The following PRXL2A variants were observed in gnomAD, a reference collection of about 807,000 sequenced individuals.
The protein encoded by PRXL2A is peroxiredoxin-like 2A.
A neutral mutation model predicts 25.6 loss-of-function variants in PRXL2A; 26 were observed. The observed-to-expected ratio is 1.02, with a 90% CI of 0.74 to 1.41. The LOEUF is 1.41. Ranked by LOEUF, PRXL2A falls within the 40% of genes most tolerant of loss-of-function variation. The pLI, the probability that PRXL2A is intolerant of heterozygous loss-of-function variation, is 0.00. For synonymous variants in PRXL2A, 98 were observed against 102.9 expected (o/e 0.95, Z 0.29); for missense variants, 246 against 273.9 (o/e 0.90, Z 0.72).
Position 80,408,606 on chromosome 10 carries a change from C to A in PRXL2A, c.-40C>A, listed in dbSNP as rs904512166. 6.6e-6 allele frequency: 1 copy of A among 152,470 alleles called. No individual in the cohort carries two copies. The highest frequency in any genetic ancestry group is 6.5e-5 in the Admixed American group (1 of 15,308). The allele number at this position is 152,470 out of a possible 1,614,324, so 9.4% of individuals were successfully genotyped here. A position where few individuals can be genotyped will look rare whatever the true frequency, so the allele number is the denominator to read the frequency against. On this transcript the variant is annotated 5_prime_UTR_variant, in exon 1 of 6. Coordinates refer to ENST00000606162, the MANE Select transcript of PRXL2A (RefSeq NM_032333.5). ...GTTTGGCCCCTTAGCGCCCGGGCGT[C>A]GGGGCGGTAAAAGGCCGGCAGAAGG...
intron 5 of PRXL2A, among the ~76,000 whole-genome samples, chr10:80,429,306 A>G (rs1488173787): frequency 2.0e-5 from 3 of 152,198 alleles, no homozygotes; most frequent in South Asian, 2.1e-4. Context: ...CTTAGTAATA[A>G]TGGTTTCCAA....
intron 1 of PRXL2A, among the ~76,000 whole-genome samples, chr10:80,413,180 G>A (rs1300173799): frequency 7.1e-6 from 1 of 141,054 alleles, no homozygotes; most frequent in African/African-American, 2.6e-5. Context: ...AACTCCAGCA[G>A]AGAAATCGAC....
chr10:80,419,410 C>T (rs779056360), intron 1 of PRXL2A, among the ~76,000 whole-genome samples: 34 of 150,726 alleles, frequency 2.3e-4, no homozygotes, highest in Non-Finnish European at 5.0e-4. Flanking sequence ...CAGGTTCAAG[C>T]GATTCTCCTG....
intron 2 of PRXL2A, among the ~76,000 whole-genome samples, chr10:80,421,516 T>C (rs1475668729): frequency 1.3e-5 from 2 of 152,138 alleles, no homozygotes; most frequent in Non-Finnish European, 2.9e-5. Context: ...GGCAGGAGAT[T>C]GTGCAGGTTT....
intron 1 of PRXL2A, chr10:80,413,919 G>A (rs1008530890): frequency 1.7e-5 from 20 of 1,171,846 alleles, no homozygotes; most frequent in Admixed American, 9.0e-5. Flanking sequence ...GAGGTTGGGG[G>A]TAAGAGACCG....
At chr10:80,426,055 C>G (rs1433883581) in intron 4 of PRXL2A, 49 bp downstream of exon 4, 11 of 1,609,852 alleles carry the variant, frequency 6.8e-6, no homozygotes, top group Admixed American at 5.0e-5. Flanking sequence ...GGATTGTGCT[C>G]AGCTGTGTGA....
At chr10:80,430,923 T>C (rs1237803788) in intron 5 of PRXL2A, among the ~76,000 whole-genome samples, 1 of 152,162 alleles carries the variant, frequency 6.6e-6, no homozygotes, top group Non-Finnish European at 1.5e-5. Flanking sequence ...GGAGTCTTGC[T>C]CTGTCGCCCA....
intron 2 of PRXL2A, 69 bp from the exon 3 acceptor site, chr10:80,422,348 T>C (rs1844895359): frequency 3.1e-6 from 4 of 1,297,440 alleles, no homozygotes; most frequent in Admixed American, 1.7e-5. Context: ...CTTAGTGTGG[T>C]TCATGAGCTG....
chr10:80,409,810 C>A (rs1397472700), intron 1 of PRXL2A, among the ~76,000 whole-genome samples: 2 of 152,198 alleles, frequency 1.3e-5, no homozygotes, highest in Non-Finnish European at 2.9e-5. Flanking sequence ...CAAGGCACCT[C>A]CTATACATTT....
At chr10:80,413,443 G>A (rs1053206169) in intron 1 of PRXL2A, among the ~76,000 whole-genome samples, 1 of 152,214 alleles carries the variant, frequency 6.6e-6, no homozygotes, top group African/African-American at 2.4e-5. Context: ...GGCCTGGGGT[G>A]AGGAATGGGG....
At chr10:80,422,338 C>A in intron 2 of PRXL2A, 79 bp from the exon 3 acceptor site, 2 of 1,173,460 alleles carry the variant, frequency 1.7e-6, no homozygotes, top group Admixed American at 1.8e-5. Flanking sequence ...CTTGGCTGGA[C>A]TTAGTGTGGT....
chr10:80,425,388 T>C (rs1845007642), intron 3 of PRXL2A, among the ~76,000 whole-genome samples: 2 of 152,200 alleles, frequency 1.3e-5, no homozygotes, highest in South Asian at 4.1e-4. Context: ...TTAGAAACAT[T>C]TGGGAATGTA....
chr10:80,420,633 A>G lies in PRXL2A; in HGVS notation c.166A>G (p.Thr56Ala), dbSNP rs764400897. Residue 56 changes from threonine to alanine, a missense_variant, in exon 2 of 6, where the codon ACA (threonine) becomes GCA (alanine). Thr to Ala is a moderately conservative substitution (Grantham distance 58, BLOSUM62 0). Coordinates refer to ENST00000606162, the MANE Select transcript of PRXL2A (RefSeq NM_032333.5). ...GTACCTGGAGGATATAGACCTGAAAACACTGGAGAAGGGTAAGTGGTGACC... is the reference window on the plus strand; with the variant it reads ...GTACCTGGAGGATATAGACCTGAAAGCACTGGAGAAGGGTAAGTGGTGACC... The part of the protein sequence containing the change: ...LEYLEDIDLK[T>A]LEKEPRTFKA... 2 of 1,606,956 alleles carry G rather than the reference A, an allele frequency of 1.2e-6. No homozygotes were observed. Among genetic ancestry groups the G allele is most frequent in the African/African-American group, 2.7e-5 (2 of 74,810 alleles).
intron 3 of PRXL2A, 128 bp from the exon 4 acceptor site, chr10:80,425,738 C>T (rs1221444918): frequency 2.0e-5 from 23 of 1,171,982 alleles, no homozygotes; most frequent in Non-Finnish European, 2.7e-5. Context: ...ACAGCCATAA[C>T]AGGAGCCTTG....
intron 5 of PRXL2A, among the ~76,000 whole-genome samples, chr10:80,430,863 A>G (rs1366360855): frequency 6.6e-6 from 1 of 151,924 alleles, no homozygotes; most frequent in Non-Finnish European, 1.5e-5. Flanking sequence ...CTATGTCACT[A>G]TATATTGTTA....
intron 2 of PRXL2A, 50 bp from the exon 3 acceptor site, chr10:80,422,367 T>G: frequency 6.9e-7 from 1 of 1,459,704 alleles, no homozygotes; most frequent in Non-Finnish European, 9.6e-7. Flanking sequence ...TGCTTAGTGA[T>G]TGGGGCTGGG....
upstream of PRXL2A, chr10:80,408,353 G>A (rs946963230): frequency 1.3e-5 from 2 of 152,134 alleles, no homozygotes; most frequent in East Asian, 3.9e-4. Context: ...GACTTGAGGA[G>A]TGGACCGACC....
At chr10:80,417,070 T>C (rs1385976728) in intron 1 of PRXL2A, among the ~76,000 whole-genome samples, 2 of 152,236 alleles carry the variant, frequency 1.3e-5, no homozygotes, top group Non-Finnish European at 1.5e-5. Context: ...GATTAACTTT[T>C]ATACCTGGTT....
At chr10:80,430,364 A>G (rs1284538789) in intron 5 of PRXL2A, among the ~76,000 whole-genome samples, 3 of 152,132 alleles carry the variant, frequency 2.0e-5, no homozygotes, top group African/African-American at 7.2e-5. Context: ...GGTCTCCCAA[A>G]GTGCTGGGAT....
Sources: gnomAD v4.1 joint callset for allele counts (sites outside exome capture counted in the v4.1 genomes callset) on GRCh38, gnomAD v4.1.1 for gene constraint, MANE v1.5 for transcripts, NCBI Gene and HGNC (gene_info 2026-07-23, HGNC 2026-07-21) for gene names.